Variants in TRIM17 observed in about 807,000 individuals in gnomAD.
TRIM17 encodes E3 ubiquitin-protein ligase TRIM17.
TRIM17 carries 27 observed loss-of-function variants against 35.8 expected under a neutral mutation model. The ratio of observed to expected loss-of-function variants is 0.75; its 90% CI spans 0.56 to 1.04. The LOEUF (loss-of-function observed/expected upper bound fraction) is 1.04. Among genes scored for constraint, TRIM17 ranks in the 50% least tolerant of loss-of-function variants. The pLI is 0.00. For missense variants in TRIM17, 582 were observed against 612.8 expected (o/e 0.95, Z 0.53); for synonymous variants, 246 against 252.6 (o/e 0.97, Z 0.25).
rs1656612794 is a variant in TRIM17, at chr1:228,408,919, G to T, written c.884-168C>A. 3 of 1,486,646 alleles carry T rather than the reference G, an allele frequency of 2.0e-6. No individual in the cohort carries two copies. In the South Asian group the frequency reaches 4.1e-5, roughly 20 times the overall value. The allele number at this position is 1,486,646 out of a possible 1,614,324, so 92.1% of individuals were successfully genotyped here. A position where few individuals can be genotyped will look rare whatever the true frequency, so the allele number is the denominator to read the frequency against. On this transcript the variant is annotated intron_variant, in intron 6 of 6. Transcript: ENST00000366698. The surrounding 1 kb of genome is among the most constrained non-coding windows in gnomAD (Gnocchi z 6.3). ...TACTTGATGCTTCCACACACCAATTGTGTGTGGGCCTTGGTGGCAATAAGG... is the reference window on the plus strand; with the variant it reads ...TACTTGATGCTTCCACACACCAATTTTGTGTGGGCCTTGGTGGCAATAAGG...
chr1:228,413,523 C>G (rs907046825), intron 3 of TRIM17, among the ~76,000 whole-genome samples: 1 of 152,176 alleles, frequency 6.6e-6, no homozygotes, highest in Admixed American at 6.5e-5. Flanking sequence ...CCCCTACCCT[C>G]TGGCTGCCTC....
At position 228,411,242 on chromosome 1, in the gene TRIM17, C is replaced by T; in HGVS notation, c.526-66G>A. On this transcript the variant is annotated intron_variant, in intron 3 of 6. Transcript: ENST00000366698. The surrounding 1 kb of genome is among the most constrained non-coding windows in gnomAD (Gnocchi z 4.2). Reference sequence around the variant, plus strand: ...CTCAGCTCCAGGGATGCTGGCACCTCTCCCCAGGGCCCTGGTGACCCACAA... The same window carrying T: ...CTCAGCTCCAGGGATGCTGGCACCTTTCCCCAGGGCCCTGGTGACCCACAA... 1 of 1,357,620 alleles carries T rather than the reference C, an allele frequency of 7.4e-7. No homozygotes were observed. Among genetic ancestry groups the T allele is most frequent in the South Asian group, 1.4e-5 (1 of 71,264 alleles). 84.1% of individuals were successfully genotyped at this position (1,357,620 alleles called of 1,614,324 possible).
chr1:228,409,364 G>T (rs747348936), intron 5 of TRIM17, 25 bp downstream of exon 5: 1 of 868,814 alleles, frequency 1.2e-6, no homozygotes, highest in Admixed American at 2.1e-5. Flanking sequence ...CACTGCCCCC[G>T]CCCCTGCCTG....
At position 228,408,677 on chromosome 1, in the gene TRIM17, C is replaced by T. The variant is rs960306724; in HGVS notation, c.958G>A (p.Gly320Ser). 8.1e-6 allele frequency: 13 copies of T among 1,610,800 alleles called. No homozygotes were observed. The highest frequency in any genetic ancestry group is 4.5e-5 in the East Asian group (2 of 44,896). Residue 320 changes from glycine to serine, a missense_variant, in exon 7 of 7, where the codon GGC (glycine) becomes AGC (serine). Transcript: ENST00000366698. The surrounding 1 kb of genome is among the most constrained non-coding windows in gnomAD (Gnocchi z 6.3). ...LYESRQRRYL[G>S]SSPEGSGFCS... ...AACCCACTGCCCTCCGGCGAAGAGC[C>T]GAGGTAGCGCCTCTGGCGGCTCTCA... is the stretch of plus-strand genomic sequence containing the variant.
At position 228,408,546 on chromosome 1, in the gene TRIM17, C is replaced by T. The variant is rs749796356; in HGVS notation, c.1089G>A (p.Ala363=). ...WEVGMNITGD[A]LWALGVCRDN... is the part of the protein sequence containing the mutation. ...CCCTGCACACACCCAGGGCCCACAA[C>T]GCGTCCCCGGTGATGTTCATGCCCA... Residue 363 remains alanine (A), a synonymous_variant, in exon 7 of 7, where the codon GCG becomes GCA. Coordinates refer to ENST00000366698, the MANE Select transcript of TRIM17 (RefSeq NM_016102.4). This position sits in a 1 kb window ranked among gnomAD's most constrained non-coding sequence, Gnocchi z 6.3. 1.7e-5 allele frequency: 27 copies of T among 1,614,002 alleles called. No homozygotes were observed. The highest frequency in any genetic ancestry group is 1.1e-4 in the South Asian group (10 of 91,092).
chr1:228,411,473 G>A lies in TRIM17; in HGVS notation c.526-297C>T, dbSNP rs1656784169. Among the ~76,000 whole-genome samples the A allele has an allele frequency of 6.6e-6, 1 of 152,218 alleles. No individual in the cohort carries two copies. Among genetic ancestry groups the A allele is most frequent in the Non-Finnish European group, 1.5e-5 (1 of 68,036 alleles). Reference sequence around the variant, plus strand: ...CTTGGGCATGTTAAACAAAATTTATGGGTGGCCATTGTTTTTTGTTTTGTT... The same window carrying A: ...CTTGGGCATGTTAAACAAAATTTATAGGTGGCCATTGTTTTTTGTTTTGTT... On this transcript the variant is annotated intron_variant, in intron 3 of 6. Coordinates refer to ENST00000366698, the MANE Select transcript of TRIM17 (RefSeq NM_016102.4). The surrounding 1 kb of genome is among the most constrained non-coding windows in gnomAD (Gnocchi z 4.2).
In TRIM17 at chr1:228,408,007, G is replaced by A. The variant is rs996065442; in HGVS notation, c.*194C>T. On this transcript the variant is annotated 3_prime_UTR_variant, in exon 7 of 7. Transcript: ENST00000366698. The surrounding 1 kb of genome is among the most constrained non-coding windows in gnomAD (Gnocchi z 6.3). Reference sequence around the variant, plus strand: ...AGGGGCTTTCAAAAGTTTCCTCTAGGAAGCATCTGTCAGTATACCCTCTTA... The same window carrying A: ...AGGGGCTTTCAAAAGTTTCCTCTAGAAAGCATCTGTCAGTATACCCTCTTA... The A allele has an allele frequency of 6.5e-6, 3 of 462,846 alleles. No homozygotes were observed. Among genetic ancestry groups the A allele is most frequent in the African/African-American group, 6.0e-5 (3 of 49,988 alleles). The allele number at this position is 462,846 out of a possible 1,614,324, so 28.7% of individuals were successfully genotyped here.
In TRIM17 at chr1:228,409,239, G is replaced by A. The variant is rs1558454235; in HGVS notation, c.816C>T (p.Ala272=). 1.2e-6 allele frequency: 2 copies of A among 1,613,916 alleles called. No homozygotes were observed. Among genetic ancestry groups the A allele is most frequent in the Non-Finnish European group, 1.7e-6 (2 of 1,179,938 alleles). ...ACACAGTCCTGGGTCTGGTTGGGGG[G>A]GCAACCTCTGGGCACTGCACACTCA... is the stretch of plus-strand genomic sequence containing the variant. ...NNVSVQCPEV[A]PPTRPRTVCR... The change falls in exon 6 of 7, where the codon GCC becomes GCT. Residue 272 remains alanine, a synonymous_variant. Coordinates refer to ENST00000366698, the MANE Select transcript of TRIM17 (RefSeq NM_016102.4).
Position 228,414,973 on chromosome 1 carries a change from T to C in TRIM17, c.100A>G (p.Asn34Asp). The change falls in exon 2 of 7, where the codon AAC becomes GAC. Residue 34 changes from asparagine to aspartate, a missense_variant. By Grantham distance (23) the Asn-to-Asp change is conservative (BLOSUM62 1). Coordinates refer to ENST00000366698, the MANE Select transcript of TRIM17 (RefSeq NM_016102.4). ...AGCTGGATGCAGGCTCGGCAGAAGT[T>C]GTGGCCACAGGTGGTCATCACAGGG... ...TDPVMTTCGH[N>D]FCRACIQLSW... 1 of 1,613,328 alleles carries C rather than the reference T, an allele frequency of 6.2e-7. No individual in the cohort carries two copies.
At position 228,416,611 on chromosome 1, in the gene TRIM17, G is replaced by GC. The variant is rs1657151522; in HGVS notation, c.-115dup. 2.0e-6 allele frequency: 2 copies of GC among 984,458 alleles called. No homozygotes were observed. Among genetic ancestry groups the GC allele is most frequent in the East Asian group, 1.2e-4 (1 of 8,678 alleles). The allele number at this position is 984,458 out of a possible 1,614,324, so 61.0% of individuals were successfully genotyped here. A position where few individuals can be genotyped will look rare whatever the true frequency, so the allele number is the denominator to read the frequency against. ...CTCGCTGCCGGGAAAGGCTGGGTCT[G>GC]CCCCCACGAAGCCCAGGAGGCTGCG... On this transcript the variant is annotated 5_prime_UTR_variant, in exon 1 of 7. Transcript: ENST00000366698.
chr1:228,412,956 A>G (rs1026432747), intron 3 of TRIM17, among the ~76,000 whole-genome samples: 11 of 152,118 alleles, frequency 7.2e-5, no homozygotes, highest in African/African-American at 2.2e-4. Flanking sequence ...TATGCCTGTA[A>G]TCCCAGCACT....
rs1407706190 is a variant in TRIM17, at chr1:228,410,340, G to A, written c.756+606C>T. 1.3e-5 allele frequency among the ~76,000 whole-genome samples: 2 copies of A among 151,970 alleles called. No individual in the cohort carries two copies. Among genetic ancestry groups the A allele is most frequent in the African/African-American group, 4.8e-5 (2 of 41,360 alleles). The stretch of plus-strand genomic sequence containing the variant: ...CTCCAGGGCCATGGCACACAGGCTG[G>A]TCCCGGCAGACAGGCTGGCTGCTTC... On this transcript the variant is annotated intron_variant, in intron 4 of 6. Transcript: ENST00000366698. The surrounding 1 kb of genome is among the most constrained non-coding windows in gnomAD (Gnocchi z 4.6).
At position 228,408,388 on chromosome 1, in the gene TRIM17, C is replaced by T; in HGVS notation, c.1247G>A (p.Ser416Asn). 6.2e-7 allele frequency: 1 copy of T among 1,614,202 alleles called. No individual in the cohort carries two copies. Among genetic ancestry groups the T allele is most frequent in the South Asian group, 1.1e-5 (1 of 91,086 alleles). The change falls in exon 7 of 7, where the codon AGC becomes AAC. Residue 416 changes from serine to asparagine, a missense_variant. Physicochemically the swap from Ser to Asn is conservative, Grantham distance 46. Coordinates refer to ENST00000366698, the MANE Select transcript of TRIM17 (RefSeq NM_016102.4). The surrounding 1 kb of genome is among the most constrained non-coding windows in gnomAD (Gnocchi z 6.3). ...GAAGTCCAGGAAGATGCCCATGTGG[C>T]TGGGAGGCTCCATCAGCATGACCGG... ...LTPVMLMEPP[S>N]HMGIFLDFEA...
At position 228,416,722 on chromosome 1, in the gene TRIM17, G is replaced by GGGGGTGGGT; in HGVS notation, c.-226_-225insACCCACCCC. 1 of 568,114 alleles carries GGGGGTGGGT rather than the reference G, an allele frequency of 1.8e-6. No individual in the cohort carries two copies. The highest frequency in any genetic ancestry group is 2.2e-6 in the Non-Finnish European group (1 of 453,600). The allele number at this position is 568,114 out of a possible 1,614,324, so 35.2% of individuals were successfully genotyped here. On this transcript the variant is annotated 5_prime_UTR_variant, in exon 1 of 7. Transcript: ENST00000366698. The stretch of plus-strand genomic sequence containing the variant: ...GGGGCTGGGGGGCGGCGGGGGAGGG[G>GGGGGTGGGT]AATGCTGGGCGAGGGAGTGTTCGGC...
chr1:228,409,252 C>T lies in TRIM17; in HGVS notation c.803G>A (p.Cys268Tyr). 6.2e-7 allele frequency: 1 copy of T among 1,613,852 alleles called. No individual in the cohort carries two copies. Among genetic ancestry groups the T allele is most frequent in the Non-Finnish European group, 8.5e-7 (1 of 1,179,892 alleles). Residue 268 changes from cysteine to tyrosine, a missense_variant, in exon 6 of 7, where the codon TGC (cysteine) becomes TAC (tyrosine). Physicochemically the swap from Cys to Tyr is radical, Grantham distance 194. Transcript: ENST00000366698. ...LSRKNNVSVQCPEVAPPTRPR... is the reference protein window; with the variant it reads ...LSRKNNVSVQYPEVAPPTRPR... ...TCTGGTTGGGGGGGCAACCTCTGGGCACTGCACACTCACGTTGTTCTTCCT... is the reference window on the plus strand; with the variant it reads ...TCTGGTTGGGGGGGCAACCTCTGGGTACTGCACACTCACGTTGTTCTTCCT...
Position 228,409,202 on chromosome 1 carries a change from C to G in TRIM17, c.853G>C (p.Gly285Arg). The stretch of plus-strand genomic sequence containing the variant: ...AAGCCTCTTAGCACTTCAATCTGTC[C>G]GGGAACTCTGCACACAGTCCTGGGT... ...TRPRTVCRVP[G>R]QIEVLRGFLE... The change falls in exon 6 of 7, where the codon GGA becomes CGA. Residue 285 changes from glycine (G) to arginine (R), a missense_variant. Gly to Arg is a moderately radical substitution (Grantham distance 125). Coordinates refer to ENST00000366698, the MANE Select transcript of TRIM17 (RefSeq NM_016102.4). 1 of 1,614,032 alleles carries G rather than the reference C, an allele frequency of 6.2e-7. No individual in the cohort carries two copies. The highest frequency in any genetic ancestry group is 8.5e-7 in the Non-Finnish European group (1 of 1,179,984).
rs140459851 is a variant in TRIM17 at position 228,409,396 on chromosome 1, G to T, written c.772C>A (p.Leu258Met). ...LQMLQDMKEPLSRKNNVSVQC... is the reference protein window; with the variant it reads ...LQMLQDMKEPMSRKNNVSVQC... ...CCTGAGGGGACCACATACCTGCTCA[G>T]GGGTTCCTTCATGTCCTGCAAAAGA... The change falls in exon 5 of 7, where the codon CTG (leucine) becomes ATG (methionine). Residue 258 changes from leucine to methionine, a missense_variant. Leu to Met is a conservative substitution (Grantham distance 15). Transcript: ENST00000366698. 6.4e-7 allele frequency: 1 copy of T among 1,559,368 alleles called. No individual in the cohort carries two copies. Among genetic ancestry groups the T allele is most frequent in the South Asian group, 1.2e-5 (1 of 84,628 alleles).
At chr1:228,414,163 G>C (rs1050266589) in intron 2 of TRIM17, among the ~76,000 whole-genome samples, 2 of 152,208 alleles carry the variant, frequency 1.3e-5, no homozygotes, top group African/African-American at 4.8e-5. Context: ...CCTAGGCCAG[G>C]AGGAAAGCCA....
Position 228,411,213 on chromosome 1 carries a change from G to T in TRIM17, c.526-37C>A. On this transcript the variant is annotated intron_variant, in intron 3 of 6. Transcript: ENST00000366698. The surrounding 1 kb of genome is among the most constrained non-coding windows in gnomAD (Gnocchi z 4.2). ...GAGAAGCCCAGCATGTTGCCAGCAG[G>T]TGGCTCAGCTCCAGGGATGCTGGCA... 1 of 1,550,136 alleles carries T rather than the reference G, an allele frequency of 6.5e-7. No homozygotes were observed.
Sources: allele counts gnomAD v4.1 joint callset (sites outside exome capture counted in the v4.1 genomes callset), GRCh38; gene constraint gnomAD v4.1.1; non-coding constraint Gnocchi (gnomAD v3.1); transcripts MANE v1.5; gene names NCBI Gene and HGNC (gene_info 2026-07-23, HGNC 2026-07-21).